Variants in CACNA1E observed in about 807,000 individuals in gnomAD.
The protein encoded by CACNA1E is calcium voltage-gated channel subunit alpha1 E.
CACNA1E carries 40 observed loss-of-function variants against 259.2 expected under a neutral mutation model. The ratio of observed to expected loss-of-function variants is 0.15; its 90% CI spans 0.12 to 0.20. CACNA1E has a LOEUF of 0.20. Among genes scored for constraint, CACNA1E ranks in the 10% least tolerant of loss-of-function variants. The pLI, the probability that CACNA1E is intolerant of heterozygous loss-of-function variation, is 1.00. For missense variants in CACNA1E, 1,874 were observed against 3,040.1 expected (o/e 0.62, Z 9.02); for synonymous variants, 1,104 against 1,138.5 (o/e 0.97, Z 0.61).
intron 23 of CACNA1E, 110 bp downstream of exon 23, chr1:181,737,764 G>C: frequency 6.9e-7 from 1 of 1,446,198 alleles, no homozygotes; most frequent in Non-Finnish European, 9.4e-7. Flanking sequence ...AATGAGCAAG[G>C]GTTGGAAATT....
At chr1:181,631,134 G>A (rs1219160312) in intron 6 of CACNA1E, among the ~76,000 whole-genome samples, 4 of 152,288 alleles carry the variant, frequency 2.6e-5, no homozygotes, top group South Asian at 2.1e-4. Flanking sequence ...GAGCTTTCTC[G>A]GCCTGGTGCC....
At chr1:181,579,266 C>G (rs564826658) in intron 5 of CACNA1E, 42 bp downstream of exon 5, 3 of 1,541,372 alleles carry the variant, frequency 1.9e-6, no homozygotes, top group South Asian at 1.2e-5. Context: ...CCCTTCTCCC[C>G]TCTGTTAACT....
intron 2 of CACNA1E, among the ~76,000 whole-genome samples, chr1:181,448,336 T>C (rs1276986926): frequency 6.6e-6 from 1 of 152,232 alleles, no homozygotes; most frequent in Non-Finnish European, 1.5e-5. Flanking sequence ...ATGAGATAGA[T>C]ACTATCCTTG....
intron 1 of CACNA1E, among the ~76,000 whole-genome samples, chr1:181,349,796 A>G (rs1405228250): frequency 2.0e-5 from 3 of 151,674 alleles, no homozygotes; most frequent in African/African-American, 7.3e-5. Flanking sequence ...GTATAGGGGT[A>G]TTGTGGACAA....
intron 1 of CACNA1E, among the ~76,000 whole-genome samples, chr1:181,335,354 G>A (rs1027942583): frequency 2.0e-5 from 3 of 152,174 alleles, no homozygotes; most frequent in African/African-American, 4.8e-5. Flanking sequence ...AGACTGAAAC[G>A]GGAGTACTGA....
chr1:181,587,968 T>A (rs1413907401), intron 6 of CACNA1E, among the ~76,000 whole-genome samples: 1 of 152,250 alleles, frequency 6.6e-6, no homozygotes, highest in East Asian at 1.9e-4. Flanking sequence ...GAGAAACCTG[T>A]CTCACTGCAT....
At chr1:181,464,919 A>G (rs1019223910) in intron 2 of CACNA1E, among the ~76,000 whole-genome samples, 15 of 152,138 alleles carry the variant, frequency 9.9e-5, no homozygotes, top group African/African-American at 3.6e-4. Flanking sequence ...GTATGTATTC[A>G]TAAATTAGAC....
intron 2 of CACNA1E, among the ~76,000 whole-genome samples, chr1:181,473,119 T>G (rs770741308): frequency 6.6e-6 from 1 of 152,184 alleles, no homozygotes; most frequent in Non-Finnish European, 1.5e-5. Flanking sequence ...GAACACCGCA[T>G]AGTATTTGTA....
intron 1 of CACNA1E, among the ~76,000 whole-genome samples, chr1:181,402,594 C>T (rs1657180654): frequency 6.6e-6 from 1 of 152,186 alleles, no homozygotes; most frequent in Non-Finnish European, 1.5e-5. Flanking sequence ...CAGTACTGTC[C>T]TTAGTTAGAA....
chr1:181,717,877 C>T (rs148136102), intron 11 of CACNA1E, among the ~76,000 whole-genome samples, 178 bp from the exon 12 acceptor site: 19 of 152,196 alleles, frequency 1.2e-4, no homozygotes, highest in Admixed American at 2.0e-4. Context: ...ACCTGGGACT[C>T]GGCCTGGGTC....
intron 1 of CACNA1E, among the ~76,000 whole-genome samples, chr1:181,374,407 T>C (rs2101970777): frequency 6.6e-6 from 1 of 152,080 alleles, no homozygotes; most frequent in East Asian, 1.9e-4. Context: ...TGGAGGAAAT[T>C]CAACTTTGAA....
chr1:181,404,797 G>A (rs1023069024), intron 1 of CACNA1E, among the ~76,000 whole-genome samples: 5 of 152,218 alleles, frequency 3.3e-5, no homozygotes, highest in African/African-American at 9.6e-5. Flanking sequence ...GATGGAATCT[G>A]ACCAGAAGGG....
In CACNA1E at chr1:181,718,644, A is replaced by G. The variant is rs186390867; in HGVS notation, c.1638+477A>G. Among the ~76,000 whole-genome samples the G allele has an allele frequency of 7.5e-3, 1,142 of 151,490 alleles. 9 individuals are homozygous for G. Among genetic ancestry groups the G allele is most frequent in the Middle Eastern group, 0.017 (5 of 294 alleles). On this transcript the variant is annotated intron_variant, in intron 12 of 47. Transcript: ENST00000367573. ...CACACACACACACACACACACACACACACACACACACACACACACACACCC... is the reference window on the plus strand; with the variant it reads ...CACACACACACACACACACACACACGCACACACACACACACACACACACCC...
intron 18 of CACNA1E, among the ~76,000 whole-genome samples, chr1:181,727,534 A>C (rs1655024183): frequency 6.6e-6 from 1 of 152,260 alleles, no homozygotes; most frequent in Admixed American, 6.5e-5. Context: ...AGGATGTGAT[A>C]AAGGAGAGTG....
chr1:181,657,687 C>T (rs1659318061), intron 7 of CACNA1E, among the ~76,000 whole-genome samples: 1 of 152,040 alleles, frequency 6.6e-6, no homozygotes, highest in South Asian at 2.1e-4. Context: ...TGGAGAGAGA[C>T]CAGATTCAGT....
chr1:181,663,037 C>T (rs1368538441), intron 7 of CACNA1E, among the ~76,000 whole-genome samples: 1 of 152,146 alleles, frequency 6.6e-6, no homozygotes, highest in Non-Finnish European at 1.5e-5. Context: ...CAGGTCTATA[C>T]CCCCCAATCT....
At chr1:181,468,517 AC>A (rs1436545718) in intron 2 of CACNA1E, among the ~76,000 whole-genome samples, 1 of 152,162 alleles carries the variant, frequency 6.6e-6, no homozygotes, top group Non-Finnish European at 1.5e-5. Context: ...CATTTAATAA[AC>A]ATGTATTCAG....
intron 3 of CACNA1E, among the ~76,000 whole-genome samples, chr1:181,568,200 T>G (rs1650043675): frequency 6.6e-6 from 1 of 152,116 alleles, no homozygotes; most frequent in African/African-American, 2.4e-5. Context: ...CTTATACGAA[T>G]CTACATTCAC....
At chr1:181,610,986 A>G (rs1247279892) in intron 6 of CACNA1E, among the ~76,000 whole-genome samples, 3 of 152,194 alleles carry the variant, frequency 2.0e-5, no homozygotes, top group Non-Finnish European at 4.4e-5. Context: ...TTAATAACTC[A>G]CCAAAGTCAC....
Sources: allele counts gnomAD v4.1 joint callset (sites outside exome capture counted in the v4.1 genomes callset), GRCh38; gene constraint gnomAD v4.1.1; transcripts MANE v1.5; gene names NCBI Gene and HGNC (gene_info 2026-07-23, HGNC 2026-07-21).